The following CDH2 variants were observed in gnomAD, a reference collection of about 807,000 sequenced individuals.
CDH2 encodes cadherin-2.
CDH2 carries 17 observed loss-of-function variants against 92.0 expected under a neutral mutation model. That is an observed-to-expected ratio of 0.18 (90% CI 0.13 to 0.28). The LOEUF (loss-of-function observed/expected upper bound fraction) is 0.28. CDH2 is among the 10% of genes least tolerant of loss of function. CDH2 has a pLI of 1.00. For synonymous variants in CDH2, 419 were observed against 415.9 expected (o/e 1.01, Z -0.09); for missense variants, 862 against 1,133.1 (o/e 0.76, Z 3.44).
chr18:28,023,425 G>A (rs530329080), intron 2 of CDH2, among the ~76,000 whole-genome samples: 48 of 152,272 alleles, frequency 3.2e-4, no homozygotes, highest in African/African-American at 1.2e-3. Context: ...CCAGGCTCAA[G>A]TGATTCTCTT....
intron 2 of CDH2, among the ~76,000 whole-genome samples, chr18:28,079,208 C>T (rs1190528864): frequency 1.3e-5 from 2 of 152,190 alleles, no homozygotes; most frequent in Non-Finnish European, 2.9e-5. Flanking sequence ...CATCATCATC[C>T]ATGAATGGGA....
chr18:28,084,590 TAC>T (rs373323241), intron 2 of CDH2, among the ~76,000 whole-genome samples: 4 of 149,796 alleles, frequency 2.7e-5, no homozygotes, highest in Admixed American at 6.7e-5. Flanking sequence ...AAAAAAAGGA[TAC>T]ACACACACAC....
At chr18:28,107,526 A>C (rs1029335253) in intron 2 of CDH2, among the ~76,000 whole-genome samples, 7 of 152,332 alleles carry the variant, frequency 4.6e-5, no homozygotes, top group Non-Finnish European at 1.0e-4. Context: ...AAATGACTTA[A>C]TAGGAGTATA....
At position 27,993,457 on chromosome 18, in the gene CDH2, G is replaced by A. The variant is rs2276104; in HGVS notation, c.1158+43C>T. ...ATTCATGACCAACCTTCTCAGTAAC[G>A]AACTACAGACCCAAAGTTGTGTGAG... is the stretch of plus-strand genomic sequence containing the variant. On this transcript the variant is annotated intron_variant, in intron 8 of 15. Transcript: ENST00000269141. The A allele has an allele frequency of 9.7e-5, 153 of 1,584,160 alleles. No homozygotes were observed. The East Asian group carries it at 3.3e-3, about 34-fold the overall frequency.
intron 6 of CDH2, 40 bp from the exon 7 acceptor site, chr18:28,003,209 A>ATT: frequency 1.3e-6 from 2 of 1,508,800 alleles, no homozygotes; most frequent in Non-Finnish European, 1.8e-6. Flanking sequence ...GTTACCCTTC[A>ATT]TTCCAGGGAC....
chr18:28,123,662 T>A (rs2015628259), intron 2 of CDH2, among the ~76,000 whole-genome samples: 1 of 152,108 alleles, frequency 6.6e-6, no homozygotes, highest in Admixed American at 6.6e-5. Context: ...ACAGACACCT[T>A]CCTACCCTGG....
intron 2 of CDH2, among the ~76,000 whole-genome samples, chr18:28,106,484 T>C (rs1307505176): frequency 1.3e-5 from 2 of 151,764 alleles, no homozygotes; most frequent in East Asian, 3.9e-4. Context: ...TTTTTTTTTT[T>C]GTTTCTTCCC....
intron 2 of CDH2, among the ~76,000 whole-genome samples, chr18:28,080,997 C>T (rs1200077689): frequency 6.6e-6 from 1 of 152,154 alleles, no homozygotes; most frequent in Non-Finnish European, 1.5e-5. Flanking sequence ...GCCCACTGAG[C>T]CCCTAGCTAT....
At chr18:28,149,148 C>T (rs1391273968) in intron 1 of CDH2, among the ~76,000 whole-genome samples, 6 of 152,086 alleles carry the variant, frequency 3.9e-5, no homozygotes, top group Non-Finnish European at 8.8e-5. Flanking sequence ...TTGGCAAACT[C>T]TAGTAAAGAT....
Position 27,988,520 on chromosome 18 carries a change from A to T in CDH2, c.1741+4T>A. On this transcript the variant is annotated splice_donor_region_variant and intron_variant, in intron 11 of 15. Transcript: ENST00000269141. The stretch of plus-strand genomic sequence containing the variant: ...CAACATACAAGAAAAAACAGCGAAC[A>T]TACCATTGTCAGAAGCAAGGAAAGT... The T allele has an allele frequency of 6.2e-7, 1 of 1,612,190 alleles. No individual in the cohort carries two copies. Among genetic ancestry groups the T allele is most frequent in the Non-Finnish European group, 8.5e-7 (1 of 1,178,630 alleles).
intron 2 of CDH2, among the ~76,000 whole-genome samples, chr18:28,052,994 A>G (rs186773156): frequency 4.0e-4 from 61 of 152,288 alleles, no homozygotes; most frequent in Admixed American, 7.2e-4. Flanking sequence ...TGGTGTCCAT[A>G]TAAAAAGACG....
chr18:28,102,454 T>G (rs2144235388), intron 2 of CDH2, among the ~76,000 whole-genome samples: 1 of 152,276 alleles, frequency 6.6e-6, no homozygotes, highest in Admixed American at 6.5e-5. Flanking sequence ...CCTTGCTTTC[T>G]GATTCTATAT....
At chr18:27,987,657 T>C (rs917102678) in intron 11 of CDH2, among the ~76,000 whole-genome samples, 2 of 152,220 alleles carry the variant, frequency 1.3e-5, no homozygotes, top group Admixed American at 1.3e-4. Context: ...TAATACGCAA[T>C]AGGAATACTT....
intron 2 of CDH2, among the ~76,000 whole-genome samples, chr18:28,018,873 TTATA>T (rs56721321): frequency 3.0e-4 from 44 of 146,280 alleles, no homozygotes; most frequent in South Asian, 1.3e-3. Flanking sequence ...GCACACACGT[TTATA>T]TATATATATA....
chr18:28,043,497 T>TAA (rs2014002907), intron 2 of CDH2, among the ~76,000 whole-genome samples: 3 of 79,376 alleles, frequency 3.8e-5, no homozygotes, highest in Non-Finnish European at 7.7e-5. Flanking sequence ...TATATATAAA[T>TAA]ATATATATAT....
chr18:28,079,307 A>C (rs1344229025), intron 2 of CDH2, among the ~76,000 whole-genome samples: 1 of 152,264 alleles, frequency 6.6e-6, no homozygotes, highest in African/African-American at 2.4e-5. Flanking sequence ...TTCTCTATTA[A>C]TTTTTAGGAT....
chr18:28,106,924 G>A (rs2015331996), intron 2 of CDH2, among the ~76,000 whole-genome samples: 1 of 151,970 alleles, frequency 6.6e-6, no homozygotes, highest in African/African-American at 2.4e-5. Context: ...TATACAAAGG[G>A]ACAACCTAAT....
At chr18:27,971,623 G>C (rs547742033) in intron 14 of CDH2, among the ~76,000 whole-genome samples, 38 of 152,254 alleles carry the variant, frequency 2.5e-4, no homozygotes, top group African/African-American at 8.4e-4. Flanking sequence ...CCCTGGCCAC[G>C]AGTGTTTTGA....
At chr18:28,006,396 T>C (rs545650888) in intron 5 of CDH2, among the ~76,000 whole-genome samples, 103 of 152,026 alleles carry the variant, frequency 6.8e-4, no homozygotes, top group Non-Finnish European at 1.3e-3. Context: ...CCTAAACCAG[T>C]AGAGAAGACA....
Sources: gnomAD v4.1 joint callset for allele counts (sites outside exome capture counted in the v4.1 genomes callset) on GRCh38, gnomAD v4.1.1 for gene constraint, MANE v1.5 for transcripts, NCBI Gene and HGNC (gene_info 2026-07-23, HGNC 2026-07-21) for gene names.